FER1L6: variants seen among roughly 807,000 people sequenced by gnomAD.
FER1L6 encodes fer-1 like family member 6.
Under a neutral mutation model 219.2 loss-of-function variants are expected in FER1L6, and 177 were observed. The ratio of observed to expected loss-of-function variants is 0.81; its 90% confidence interval spans 0.71 to 0.91. FER1L6 has a LOEUF of 0.91. Ranked by LOEUF, FER1L6 falls within the 40% of genes least tolerant of loss-of-function variation. FER1L6 has a pLI of 0.00. For synonymous variants in FER1L6, 768 were observed against 824.3 expected, an observed-to-expected ratio of 0.93 and a Z score of 1.17; for missense variants, 2,153 against 2,259.9, an observed-to-expected ratio of 0.95 and a Z score of 0.96.
At chr8:124,014,879 G>A (rs114850781) in intron 15 of FER1L6, among the ~76,000 whole-genome samples, 1,752 of 152,288 alleles carry the variant, frequency 0.012, 30 homozygotes, top group African/African-American at 0.04. Flanking sequence ...TGGCTCAGCT[G>A]AGTCCTTTGG....
intron 1 of FER1L6, among the ~76,000 whole-genome samples, chr8:123,871,268 C>A (rs1347850511): frequency 6.6e-6 from 1 of 152,104 alleles, no homozygotes; most frequent in Admixed American, 6.5e-5. Context: ...GCTGAAAGGG[C>A]CCTGAAACAA....
chr8:124,103,426 T>C (rs1444442554), intron 39 of FER1L6, 117 bp downstream of exon 39: 7 of 1,002,884 alleles, frequency 7.0e-6, no homozygotes, highest in African/African-American at 1.6e-5. Flanking sequence ...GAACCCTTCA[T>C]GCAGAGGTTC....
chr8:124,093,509 G>T (rs185318441), intron 34 of FER1L6, among the ~76,000 whole-genome samples: 1 of 152,120 alleles, frequency 6.6e-6, no homozygotes, highest in African/African-American at 2.4e-5. Context: ...GAAACCCATT[G>T]AAGGTTCTTA....
At chr8:123,940,330 G>A (rs117937260) in intron 1 of FER1L6, among the ~76,000 whole-genome samples, 118 of 152,238 alleles carry the variant, frequency 7.8e-4, no homozygotes, top group Admixed American at 1.9e-3. Context: ...GAAGAGGGAC[G>A]AGGGCTAGGG....
intron 40 of FER1L6, 104 bp from the exon 41 acceptor site, chr8:124,119,503 A>T: frequency 1.3e-6 from 1 of 759,354 alleles, no homozygotes; most frequent in South Asian, 1.7e-5. Context: ...GGCTCTCCCT[A>T]TGGGTCCTCA....
At chr8:123,862,860 T>C (rs1486355563) in intron 1 of FER1L6, among the ~76,000 whole-genome samples, 2 of 144,794 alleles carry the variant, frequency 1.4e-5, no homozygotes, top group African/African-American at 5.6e-5. Flanking sequence ...TCTATTTGAT[T>C]CTTCTCTCTC....
intron 1 of FER1L6, among the ~76,000 whole-genome samples, chr8:123,885,194 G>A (rs144907359): frequency 1.0e-3 from 156 of 152,280 alleles, no homozygotes; most frequent in African/African-American, 3.5e-3. Context: ...TCCAGCATCC[G>A]GAACTGTGAA....
Position 124,015,038 on chromosome 8 carries a change from G to A in FER1L6, c.1922+1507G>A, listed in dbSNP as rs551915383. ...ATTTCTCACTAGCTGTTGGTTGGAG[G>A]CCACCCTCAATGCCTTGCCACGTGA... is the stretch of plus-strand genomic sequence containing the variant. On this transcript the variant is annotated intron_variant, in intron 15 of 40. Coordinates refer to ENST00000522917, the MANE Select transcript of FER1L6 (RefSeq NM_001039112.2). Among the ~76,000 whole-genome samples, 22 of 152,242 alleles carry A rather than the reference G, an allele frequency of 1.4e-4. 1 individual carries two copies. The South Asian group carries it at 2.5e-3, about 17-fold the overall frequency.
At chr8:123,941,371 G>A (rs1192630392) in intron 1 of FER1L6, among the ~76,000 whole-genome samples, 2 of 152,120 alleles carry the variant, frequency 1.3e-5, no homozygotes, top group African/African-American at 4.8e-5. Context: ...CAGAGAAAGA[G>A]GTATGTGAGG....
At chr8:124,076,375 T>C in intron 32 of FER1L6, 50 bp downstream of exon 32, 1 of 1,582,652 alleles carries the variant, frequency 6.3e-7, no homozygotes, top group South Asian at 1.1e-5. Context: ...CATTTGCTCC[T>C]GCTGTGTTTC....
At chr8:124,119,563 T>G (rs758444936) in intron 40 of FER1L6, 44 bp from the exon 41 acceptor site, 2 of 1,309,958 alleles carry the variant, frequency 1.5e-6, no homozygotes, top group Admixed American at 3.4e-5. Context: ...TTCTGAGTGT[T>G]GACAGGATGC....
intron 1 of FER1L6, among the ~76,000 whole-genome samples, chr8:123,875,737 G>A (rs979631303): frequency 2.0e-5 from 3 of 152,076 alleles, no homozygotes; most frequent in African/African-American, 7.2e-5. Flanking sequence ...ATTAATAAAT[G>A]ACAACTCCAT....
At chr8:123,965,929 A>C in intron 3 of FER1L6, 78 bp from the exon 4 acceptor site, 1 of 1,253,390 alleles carries the variant, frequency 8.0e-7, no homozygotes, top group Non-Finnish European at 1.1e-6. Flanking sequence ...AGGACTTAGA[A>C]ATACTTTGGA....
intron 13 of FER1L6, among the ~76,000 whole-genome samples, chr8:124,004,578 C>T (rs1226392722): frequency 6.6e-6 from 1 of 152,064 alleles, no homozygotes; most frequent in African/African-American, 2.4e-5. Context: ...GATCTAAGCA[C>T]TTCTGCTTGG....
chr8:123,901,015 A>G (rs1812846340), intron 1 of FER1L6, among the ~76,000 whole-genome samples: 2 of 152,206 alleles, frequency 1.3e-5, no homozygotes, highest in African/African-American at 4.8e-5. Context: ...TGCTGACTTC[A>G]TAGAATGAAT....
At position 123,852,601 on chromosome 8, in the gene FER1L6, G is replaced by A. The variant is rs1272401534; in HGVS notation, c.-8+416G>A. 1.3e-5 allele frequency among the ~76,000 whole-genome samples: 2 copies of A among 151,936 alleles called. No individual in the cohort carries two copies. Among genetic ancestry groups the A allele is most frequent in the Non-Finnish European group, 2.9e-5 (2 of 67,988 alleles). ...CAAAAAGCATGAGGAAGTTGCCTCA[G>A]GAACTCATAGAAAATGTGGGGCCTC... On this transcript the variant is annotated intron_variant, in intron 1 of 40. Transcript: ENST00000522917. The surrounding 1 kb of genome is among the most constrained non-coding windows in gnomAD (Gnocchi z 4.9).
At chr8:124,098,438 C>T (rs1031235397) in intron 37 of FER1L6, among the ~76,000 whole-genome samples, 2 of 152,092 alleles carry the variant, frequency 1.3e-5, no homozygotes, top group Non-Finnish European at 2.9e-5. Context: ...TAACTAAAAC[C>T]TCTCTCAGCC....
intron 6 of FER1L6, among the ~76,000 whole-genome samples, chr8:123,972,990 A>C (rs1586537700): frequency 6.6e-6 from 1 of 152,332 alleles, no homozygotes; most frequent in South Asian, 2.1e-4. Flanking sequence ...ACCGTTGTAC[A>C]TGCCTAAAAT....
intron 1 of FER1L6, among the ~76,000 whole-genome samples, chr8:123,913,323 A>G (rs1361598301): frequency 1.4e-5 from 2 of 145,204 alleles, no homozygotes; most frequent in African/African-American, 4.9e-5. Flanking sequence ...CATATGTTAA[A>G]TAATTTATTC....
Sources: allele counts gnomAD v4.1 joint callset (sites outside exome capture counted in the v4.1 genomes callset), GRCh38; gene constraint gnomAD v4.1.1; non-coding constraint Gnocchi (gnomAD v3.1); transcripts MANE v1.5; gene names NCBI Gene and HGNC (gene_info 2026-07-23, HGNC 2026-07-21).